The following PRKCA variants were observed in gnomAD, a reference collection of about 807,000 sequenced individuals.
PRKCA encodes protein kinase C alpha type.
In PRKCA, 27 loss-of-function variants were observed where a neutral mutation model predicts 87.0. The ratio of observed to expected loss-of-function variants is 0.31; its 90% CI spans 0.23 to 0.43. PRKCA has a LOEUF of 0.43. Among genes scored for constraint, PRKCA ranks in the 20% least tolerant of loss-of-function variants. The pLI, the probability that PRKCA is intolerant of heterozygous loss-of-function variation, is 1.00. For synonymous variants in PRKCA, 329 were observed against 311.1 expected (o/e 1.06, Z -0.61); for missense variants, 518 against 852.3 (o/e 0.61, Z 4.88).
At position 66,807,959 on chromosome 17, in the gene PRKCA, T is replaced by A. The variant is rs1303983777; in HGVS notation, c.*3922T>A. ...TCCCATCGGAGGTGGTTGGTGCAGA[T>A]GGAAGTTTCTGTCTGCTGGCCCTCA... On this transcript the variant is annotated 3_prime_UTR_variant, in exon 17 of 17. Coordinates refer to ENST00000413366, the MANE Select transcript of PRKCA (RefSeq NM_002737.3). The surrounding 1 kb of genome is among the most constrained non-coding windows in gnomAD (Gnocchi z 4.3). 1 of 152,238 alleles carries A rather than the reference T, an allele frequency of 6.6e-6. No homozygotes were observed. The highest frequency in any genetic ancestry group is 1.9e-4 in the East Asian group (1 of 5,190). The allele number at this position is 152,238 out of a possible 1,614,324, so 9.4% of individuals were successfully genotyped here.
chr17:66,617,596 C>A (rs945856427), intron 3 of PRKCA, among the ~76,000 whole-genome samples: 1 of 152,110 alleles, frequency 6.6e-6, no homozygotes, highest in Non-Finnish European at 1.5e-5. Context: ...CCTGCCAAAC[C>A]CAGATCCAAA....
At chr17:66,623,101 T>C (rs1194489022) in intron 3 of PRKCA, among the ~76,000 whole-genome samples, 1 of 152,278 alleles carries the variant, frequency 6.6e-6, no homozygotes, top group African/African-American at 2.4e-5. Flanking sequence ...ACTGGTCATT[T>C]CTTTGGTAAA....
chr17:66,459,771 C>G (rs575372342), intron 2 of PRKCA, among the ~76,000 whole-genome samples: 3 of 152,272 alleles, frequency 2.0e-5, no homozygotes, highest in African/African-American at 7.2e-5. Flanking sequence ...CATTGTTGCT[C>G]TTTTTCGTTC....
chr17:66,328,675 G>A (rs1906140108), intron 2 of PRKCA, among the ~76,000 whole-genome samples: 1 of 152,136 alleles, frequency 6.6e-6, no homozygotes, highest in Admixed American at 6.5e-5. Context: ...GCACGTGCCT[G>A]TAATCCCAGC....
intron 3 of PRKCA, among the ~76,000 whole-genome samples, chr17:66,535,801 C>G (rs1221273279): frequency 6.6e-6 from 1 of 152,166 alleles, no homozygotes; most frequent in Non-Finnish European, 1.5e-5. Context: ...TAGTCCATTC[C>G]CCTCCTTCTA....
intron 3 of PRKCA, among the ~76,000 whole-genome samples, chr17:66,632,384 G>GT (rs1464729563): frequency 6.6e-6 from 1 of 151,656 alleles, no homozygotes; most frequent in East Asian, 1.9e-4. Flanking sequence ...TTGTTTGTTT[G>GT]TTTTTTGTTT....
chr17:66,507,434 C>T (rs1034035287), intron 3 of PRKCA, among the ~76,000 whole-genome samples: 2 of 152,274 alleles, frequency 1.3e-5, no homozygotes, highest in African/African-American at 4.8e-5. Context: ...AGTTTTCTGT[C>T]AGTGAAGGTT....
chr17:66,539,365 G>A (rs58935811), intron 3 of PRKCA, among the ~76,000 whole-genome samples: 5,512 of 152,014 alleles, frequency 0.036, 254 homozygotes, highest in African/African-American at 0.1. Flanking sequence ...CTTTTGCAAG[G>A]CTAGTTATTT....
intron 2 of PRKCA, among the ~76,000 whole-genome samples, chr17:66,495,305 T>C (rs907125873): frequency 7.2e-5 from 11 of 152,164 alleles, no homozygotes; most frequent in African/African-American, 2.7e-4. Context: ...AGGTGTTTGC[T>C]AAGATTGTTT....
intron 2 of PRKCA, among the ~76,000 whole-genome samples, chr17:66,318,998 ATTTTTATTAGCCTATAGTCCCAGCTAC>A (rs1364127015): frequency 9.9e-5 from 15 of 152,204 alleles, no homozygotes; most frequent in African/African-American, 3.6e-4. Context: ...AATTAGGCTA[ATTTTTATTAGCCTATAGTCCCAGCTAC>A]TTTGGAAGTG....
At chr17:66,735,885 G>A (rs1330810061) in intron 10 of PRKCA, among the ~76,000 whole-genome samples, 2 of 150,644 alleles carry the variant, frequency 1.3e-5, no homozygotes, top group Non-Finnish European at 3.0e-5. Flanking sequence ...CATTTAATTC[G>A]GCAAACATTT....
intron 8 of PRKCA, among the ~76,000 whole-genome samples, chr17:66,726,683 C>T (rs1973757773): frequency 1.3e-5 from 2 of 150,854 alleles, no homozygotes; most frequent in African/African-American, 4.9e-5. Context: ...TCAGCCTTCT[C>T]TCTGTCGTGT....
At chr17:66,770,460 C>CA (rs1974909721) in intron 13 of PRKCA, among the ~76,000 whole-genome samples, 1 of 152,010 alleles carries the variant, frequency 6.6e-6, no homozygotes, top group African/African-American at 2.4e-5. Flanking sequence ...GTTCTAACTT[C>CA]AAAAAAACAA....
chr17:66,412,436 T>G (rs1911867902), intron 2 of PRKCA, among the ~76,000 whole-genome samples: 1 of 152,220 alleles, frequency 6.6e-6, no homozygotes, highest in Non-Finnish European at 1.5e-5. Flanking sequence ...TTTTCAGACT[T>G]GGGCATTTGT....
At chr17:66,429,084 C>T (rs372918963) in intron 2 of PRKCA, among the ~76,000 whole-genome samples, 3 of 152,056 alleles carry the variant, frequency 2.0e-5, no homozygotes, top group African/African-American at 4.8e-5. Context: ...TAGTTTTTCA[C>T]GCTCTTCCGC....
At chr17:66,339,509 AC>A (rs1381910997) in intron 2 of PRKCA, among the ~76,000 whole-genome samples, 1 of 151,872 alleles carries the variant, frequency 6.6e-6, no homozygotes, top group African/African-American at 2.4e-5. Flanking sequence ...TTCTTATGTG[AC>A]TCCTACAGTT....
chr17:66,377,682 T>C (rs1247932400), intron 2 of PRKCA, among the ~76,000 whole-genome samples: 1 of 143,492 alleles, frequency 7.0e-6, no homozygotes, highest in Non-Finnish European at 1.5e-5. Context: ...GTCTATTATA[T>C]ATATATAAAG....
chr17:66,619,540 A>AG (rs1156424826), intron 3 of PRKCA, among the ~76,000 whole-genome samples: 23 of 152,206 alleles, frequency 1.5e-4, no homozygotes, highest in Non-Finnish European at 3.1e-4. Flanking sequence ...ATATCCATTA[A>AG]GGCTGGTTTG....
At chr17:66,623,687 AC>A (rs1311613392) in intron 3 of PRKCA, among the ~76,000 whole-genome samples, 1 of 152,232 alleles carries the variant, frequency 6.6e-6, no homozygotes, top group African/African-American at 2.4e-5. Context: ...TTGAATTTAA[AC>A]AAAAATGGAA....
Sources: allele counts gnomAD v4.1 joint callset (sites outside exome capture counted in the v4.1 genomes callset), GRCh38; gene constraint gnomAD v4.1.1; non-coding constraint Gnocchi (gnomAD v3.1); transcripts MANE v1.5; gene names NCBI Gene and HGNC (gene_info 2026-07-23, HGNC 2026-07-21).